ZNF644: variants seen among roughly 807,000 people sequenced by gnomAD.
ZNF644 encodes the protein zinc finger protein 644, also known as zinc finger motif enhancer binding protein 2.
In ZNF644, 20 loss-of-function variants were observed where a neutral mutation model predicts 108.0. The ratio of observed to expected loss-of-function variants is 0.19; its 90% CI spans 0.13 to 0.27. The LOEUF (loss-of-function observed/expected upper bound fraction) is 0.27. Ranked by LOEUF, ZNF644 falls within the 10% of genes least tolerant of loss-of-function variation. The pLI is 1.00. For synonymous variants in ZNF644, 542 were observed against 539.1 expected, an observed-to-expected ratio of 1.01 and a Z score of -0.08; for missense variants, 1,338 against 1,548.9, an observed-to-expected ratio of 0.86 and a Z score of 2.29.
intron 2 of ZNF644, 73 bp downstream of exon 2, chr1:90,982,237 A>C (rs899624118): frequency 3.0e-6 from 4 of 1,318,002 alleles, no homozygotes; most frequent in Non-Finnish European, 4.3e-6. Context: ...TCAACACCAC[A>C]TTTTTAAGAC....
intron 2 of ZNF644, among the ~76,000 whole-genome samples, chr1:90,955,823 T>C (rs1044964877): frequency 1.3e-5 from 2 of 152,266 alleles, no homozygotes; most frequent in African/African-American, 2.4e-5. Flanking sequence ...GTAGTACTTT[T>C]AATTTCTTTC....
intron 4 of ZNF644, among the ~76,000 whole-genome samples, chr1:90,922,701 AC>A (rs1215895501): frequency 6.6e-6 from 1 of 151,990 alleles, no homozygotes; most frequent in Non-Finnish European, 1.5e-5. Flanking sequence ...TAAGCACAGT[AC>A]CTGATAGGTA....
At chr1:90,969,095 T>C (rs766192383) in intron 2 of ZNF644, among the ~76,000 whole-genome samples, 15 of 152,216 alleles carry the variant, frequency 9.9e-5, no homozygotes, top group East Asian at 7.7e-4. Flanking sequence ...ATGTTACAGA[T>C]TGAATTGTGT....
At chr1:90,971,445 G>A (rs1381563195) in intron 2 of ZNF644, among the ~76,000 whole-genome samples, 1 of 151,958 alleles carries the variant, frequency 6.6e-6, no homozygotes, top group Non-Finnish European at 1.5e-5. Flanking sequence ...TGGGGGGACA[G>A]AGTCTCACTA....
chr1:90,931,370 C>CAA (rs34562144), intron 4 of ZNF644, among the ~76,000 whole-genome samples: 5 of 139,312 alleles, frequency 3.6e-5, no homozygotes, highest in South Asian at 2.2e-4. Flanking sequence ...AACAAAATCT[C>CAA]AAAAAAAAAA....
intron 2 of ZNF644, among the ~76,000 whole-genome samples, chr1:90,980,725 C>T (rs1656460970): frequency 6.6e-6 from 1 of 152,140 alleles, no homozygotes; most frequent in South Asian, 2.1e-4. Context: ...TACAAGAGTA[C>T]ATACTATATA....
intron 1 of ZNF644, among the ~76,000 whole-genome samples, chr1:91,002,018 G>C (rs905019524): frequency 6.6e-6 from 1 of 152,144 alleles, no homozygotes; most frequent in South Asian, 2.1e-4. Flanking sequence ...ATTGCTCAAC[G>C]AAATAAAAGA....
chr1:91,007,366 A>C (rs1659558984), intron 1 of ZNF644, among the ~76,000 whole-genome samples: 1 of 151,206 alleles, frequency 6.6e-6, no homozygotes, highest in Middle Eastern at 3.2e-3. Context: ...GGTGCATACC[A>C]ACATGCCCTG....
chr1:90,929,126 T>A (rs1650422691), intron 4 of ZNF644, among the ~76,000 whole-genome samples: 1 of 152,188 alleles, frequency 6.6e-6, no homozygotes, highest in Admixed American at 6.5e-5. Flanking sequence ...TTATTTATTT[T>A]TTCTGTTTTT....
chr1:90,952,891 T>G (rs1653326152), intron 2 of ZNF644, among the ~76,000 whole-genome samples: 1 of 142,872 alleles, frequency 7.0e-6, no homozygotes, highest in African/African-American at 2.6e-5. Context: ...GATGAATAAA[T>G]AAAAACTACA....
chr1:90,964,769 G>A (rs1448412360), intron 2 of ZNF644, among the ~76,000 whole-genome samples: 3 of 152,122 alleles, frequency 2.0e-5, no homozygotes, highest in Non-Finnish European at 4.4e-5. Context: ...AAGTATATTA[G>A]TATGAAACTT....
chr1:90,991,682 A>G (rs1657650986), intron 1 of ZNF644, among the ~76,000 whole-genome samples: 1 of 152,064 alleles, frequency 6.6e-6, no homozygotes, highest in African/African-American at 2.4e-5. Flanking sequence ...GAAGGGGGGG[A>G]AGTGCTACAC....
chr1:90,933,241 C>T (rs995326192), intron 4 of ZNF644, among the ~76,000 whole-genome samples: 11 of 152,096 alleles, frequency 7.2e-5, no homozygotes, highest in African/African-American at 7.2e-5. Flanking sequence ...GCATAATCTG[C>T]TTGAATAATC....
At chr1:90,958,641 T>C (rs1023796567) in intron 2 of ZNF644, among the ~76,000 whole-genome samples, 37 of 152,068 alleles carry the variant, frequency 2.4e-4, no homozygotes, top group African/African-American at 8.7e-4. Flanking sequence ...ATGGAATAGA[T>C]TTAAGAGTCC....
intron 1 of ZNF644, among the ~76,000 whole-genome samples, chr1:91,003,241 T>A (rs1285186313): frequency 1.1e-4 from 16 of 151,978 alleles, no homozygotes; most frequent in African/African-American, 3.9e-4. Context: ...CGTATGTTTA[T>A]TGCGGCACTA....
intron 1 of ZNF644, 125 bp from the exon 2 acceptor site, chr1:90,982,495 T>TA (rs911497532): frequency 5.9e-6 from 4 of 672,492 alleles, no homozygotes; most frequent in African/African-American, 5.4e-5. Flanking sequence ...TGATATAACA[T>TA]AAAAAAACCA....
chr1:91,020,841 G>A (rs913014040), intron 1 of ZNF644: 2 of 152,188 alleles, frequency 1.3e-5, no homozygotes, highest in Non-Finnish European at 2.9e-5. Flanking sequence ...AGTCGGCGGT[G>A]TTGTGATACT....
intron 2 of ZNF644, among the ~76,000 whole-genome samples, chr1:90,959,875 C>T (rs991008785): frequency 6.6e-6 from 1 of 152,110 alleles, no homozygotes; most frequent in Admixed American, 6.5e-5. Context: ...AAGTCAACCA[C>T]AGTCCAAAAA....
chr1:90,972,020 T>C (rs1216291680), intron 2 of ZNF644, among the ~76,000 whole-genome samples: 11 of 152,200 alleles, frequency 7.2e-5, no homozygotes, highest in Non-Finnish European at 1.0e-4. Flanking sequence ...CTCAGGAGGC[T>C]GAGGCATGAC....
Sources: allele counts gnomAD v4.1 joint callset (sites outside exome capture counted in the v4.1 genomes callset), GRCh38; gene constraint gnomAD v4.1.1; transcripts MANE v1.5; gene names NCBI Gene and HGNC (gene_info 2026-07-23, HGNC 2026-07-21).